CBLC: variants seen among roughly 807,000 people sequenced by gnomAD.
CBLC encodes the protein E3 ubiquitin-protein ligase CBL-C.
CBLC carries 46 observed loss-of-function variants against 58.6 expected under a neutral mutation model. The ratio of observed to expected loss-of-function variants is 0.79; its 90% confidence interval spans 0.62 to 1.00. CBLC has a LOEUF of 1.00. CBLC is among the 50% of genes least tolerant of loss of function. The pLI is 0.00. For synonymous variants in CBLC, 271 were observed against 264.2 expected, an observed-to-expected ratio of 1.03 and a Z score of -0.25; for missense variants, 655 against 625.8, an observed-to-expected ratio of 1.05 and a Z score of -0.50.
intron 6 of CBLC, among the ~76,000 whole-genome samples, chr19:44,791,641 A>AAG (rs1402128911): frequency 6.6e-6 from 1 of 151,698 alleles, no homozygotes; most frequent in African/African-American, 2.4e-5. Context: ...GCTGAGGCAC[A>AAG]AGAATCGCTT....
At chr19:44,783,233 G>A (rs1047392108) in intron 4 of CBLC, among the ~76,000 whole-genome samples, 2 of 151,308 alleles carry the variant, frequency 1.3e-5, no homozygotes, top group Non-Finnish European at 2.9e-5. Flanking sequence ...TAGGCCTGGC[G>A]CAGTGGCTCA....
intron 5 of CBLC, among the ~76,000 whole-genome samples, chr19:44,786,418 C>T (rs915922285): frequency 3.3e-5 from 5 of 151,340 alleles, no homozygotes; most frequent in Non-Finnish European, 7.4e-5. Context: ...TGTGAAACCC[C>T]GTCTCTACTA....
At position 44,800,422 on chromosome 19, in the gene CBLC, C is replaced by T. The variant is rs749756713; in HGVS notation, c.1404C>T (p.Pro468=). 4.3e-6 allele frequency: 7 copies of T among 1,613,140 alleles called. No individual in the cohort carries two copies. ...ACTCCCCTCCAGCTGCGCTGGGACC[C>T]CAGGACCCTGCCCCGGCCTGAAGGC... is the stretch of plus-strand genomic sequence containing the variant. ...KGNSPPAALG[P]QDPAPA is the part of the protein sequence containing the mutation. Residue 468 remains proline, a synonymous_variant, in exon 10 of 11, where the codon CCC becomes CCT. Transcript: ENST00000647358.
intron 6 of CBLC, 43 bp from the exon 7 acceptor site, chr19:44,792,340 G>C (rs1180889330): frequency 1.2e-6 from 2 of 1,608,536 alleles, no homozygotes; most frequent in South Asian, 2.2e-5. Context: ...CCCCGTGGCT[G>C]ACGCATGCCC....
chr19:44,780,826 C>A, intron 1 of CBLC, 79 bp from the exon 2 acceptor site: 1 of 1,428,826 alleles, frequency 7.0e-7, no homozygotes. Flanking sequence ...CTTATCCCTG[C>A]AGGTGTTCCC....
intron 8 of CBLC, 107 bp downstream of exon 8, chr19:44,793,727 A>T: frequency 3.8e-6 from 4 of 1,058,874 alleles, no homozygotes; most frequent in Non-Finnish European, 5.4e-6. Context: ...GGGGGCCTGG[A>T]CTCCTGGGTC....
In CBLC at chr19:44,778,172, C is replaced by G. The variant is rs1000593338; in HGVS notation, c.241C>G (p.Leu81Val). ...TCCCGGCGGCTCTGGGGACTTTCTA[C>G]TCATCTACCTGGCCAATCTGGAGGC... The part of the protein sequence containing the change: ...GGPGGSGDFL[L>V]IYLANLEAKS... Residue 81 changes from leucine (L) to valine (V), a missense_variant, in exon 1 of 11, where the codon CTC becomes GTC. Coordinates refer to ENST00000647358, the MANE Select transcript of CBLC (RefSeq NM_012116.4). 6.5e-7 allele frequency: 1 copy of G among 1,549,248 alleles called. No individual in the cohort carries two copies. The highest frequency in any genetic ancestry group is 8.7e-7 in the Non-Finnish European group (1 of 1,151,844).
intron 4 of CBLC, among the ~76,000 whole-genome samples, chr19:44,783,637 C>A (rs1387256012): frequency 6.6e-6 from 1 of 152,082 alleles, no homozygotes; most frequent in Non-Finnish European, 1.5e-5. Flanking sequence ...GCCAGGATCC[C>A]GCCACTGCAC....
At chr19:44,780,292 G>A (rs1249622898) in intron 1 of CBLC, among the ~76,000 whole-genome samples, 9 of 151,330 alleles carry the variant, frequency 5.9e-5, no homozygotes, top group African/African-American at 1.7e-4. Flanking sequence ...CCGCCACCAC[G>A]CAGCGATAAT....
At chr19:44,789,131 G>A (rs906844531) in intron 5 of CBLC, among the ~76,000 whole-genome samples, 5 of 152,166 alleles carry the variant, frequency 3.3e-5, no homozygotes, top group African/African-American at 9.6e-5. Context: ...TTGCTTCTCC[G>A]GTGTCCTGGA....
chr19:44,792,984 TA>T lies in CBLC; in HGVS notation c.1137+480del, dbSNP rs201067597. On this transcript the variant is annotated intron_variant, in intron 7 of 10. Coordinates refer to ENST00000647358, the MANE Select transcript of CBLC (RefSeq NM_012116.4). ...CAACATGGTGAAAACCCGTGTCTAC[TA>T]AAAAAAAAATACAAAAATTAGACGG... Among the ~76,000 whole-genome samples the T allele has an allele frequency of 2.1e-3, 314 of 148,260 alleles. 2 individuals are homozygous for T. The highest frequency in any genetic ancestry group is 7.1e-3 in the African/African-American group (288 of 40,630).
At chr19:44,800,266 A>G (rs1968266339) in intron 9 of CBLC, 115 bp from the exon 10 acceptor site, 3 of 709,548 alleles carry the variant, frequency 4.2e-6, no homozygotes, top group Non-Finnish European at 7.5e-6. Flanking sequence ...AGCCACCTCC[A>G]GCCCCCAGGT....
chr19:44,794,143 A>T, intron 8 of CBLC, 61 bp from the exon 9 acceptor site: 1 of 1,561,862 alleles, frequency 6.4e-7, no homozygotes, highest in Non-Finnish European at 8.6e-7. Context: ...GCAGGAGAAC[A>T]TGGAGGCGAG....
At chr19:44,798,047 T>A (rs1968215232) in intron 9 of CBLC, among the ~76,000 whole-genome samples, 1 of 152,088 alleles carries the variant, frequency 6.6e-6, no homozygotes. Context: ...CACGCTGCTG[T>A]TCTCCATCTG....
chr19:44,794,457 CTTTTTTTTTTTT>C (rs200824891), intron 9 of CBLC, among the ~76,000 whole-genome samples, 176 bp downstream of exon 9: 1 of 78,346 alleles, frequency 1.3e-5, no homozygotes, highest in Non-Finnish European at 2.4e-5. Context: ...CTGGGACTTT[CTTTTTTTTTTTT>C]TTTTTTTTTT....
intron 5 of CBLC, among the ~76,000 whole-genome samples, chr19:44,784,731 T>C (rs1412851469): frequency 6.6e-6 from 1 of 152,022 alleles, no homozygotes; most frequent in Non-Finnish European, 1.5e-5. Flanking sequence ...TCTTTTACTT[T>C]AGTTAATTTT....
rs748848345 is a variant in CBLC at position 44,782,468 on chromosome 19, G to A, written c.756G>A (p.Gln252=). ...ATGATGAGGTCCAAGAGCGTCTGCA[G>A]GCCTGCAGGGACAAGCCAGGCAGGT... ...LTYDEVQERL[Q]ACRDKPGSYI... Residue 252 remains glutamine, a synonymous_variant, in exon 4 of 11, where the codon CAG becomes CAA. Transcript: ENST00000647358. 6.2e-7 allele frequency: 1 copy of A among 1,613,794 alleles called. No individual in the cohort carries two copies. Among genetic ancestry groups the A allele is most frequent in the Admixed American group, 1.7e-5 (1 of 59,998 alleles).
rs576435380 is a variant in CBLC, at chr19:44,800,446, G to C, written c.*3G>C. ...CCCAGGACCCTGCCCCGGCCTGAAG[G>C]CCAGGTGAGTCCATTCCCTAACCCT... On this transcript the variant is annotated 3_prime_UTR_variant, in exon 10 of 11. Coordinates refer to ENST00000647358, the MANE Select transcript of CBLC (RefSeq NM_012116.4). 1.1e-5 allele frequency: 18 copies of C among 1,609,092 alleles called. No homozygotes were observed. Among genetic ancestry groups the C allele is most frequent in the Non-Finnish European group, 1.4e-5 (17 of 1,175,900 alleles).
intron 5 of CBLC, among the ~76,000 whole-genome samples, chr19:44,786,084 A>T (rs1256280971): frequency 6.6e-6 from 1 of 151,828 alleles, no homozygotes; most frequent in African/African-American, 2.4e-5. Context: ...ACAGGTGTGA[A>T]CCACACGCCT....
Sources: allele counts gnomAD v4.1 joint callset (sites outside exome capture counted in the v4.1 genomes callset), GRCh38; gene constraint gnomAD v4.1.1; transcripts MANE v1.5; gene names NCBI Gene and HGNC (gene_info 2026-07-23, HGNC 2026-07-21).